DVL1: variants seen among roughly 807,000 people sequenced by gnomAD.
DVL1 encodes the protein segment polarity protein dishevelled homolog DVL-1.
DVL1 carries 49 observed loss-of-function variants against 65.0 expected under a neutral mutation model. The observed-to-expected ratio is 0.75, with a 90% CI of 0.60 to 0.96. The LOEUF (loss-of-function observed/expected upper bound fraction) is 0.96. Ranked by LOEUF, DVL1 falls within the 40% of genes least tolerant of loss-of-function variation. The probability of loss-of-function intolerance (pLI) is 0.00; values close to 1 mark genes in which losing one functional copy is unlikely to be tolerated. For synonymous variants in DVL1, 608 were observed against 433.9 expected (o/e 1.40, Z -4.99); for missense variants, 1,197 against 1,045.4 (o/e 1.15, Z -2.00).
chr1:1,341,208 C>A (rs914969151), intron 5 of DVL1, among the ~76,000 whole-genome samples: 1 of 150,558 alleles, frequency 6.6e-6, no homozygotes, highest in Non-Finnish European at 1.5e-5. Flanking sequence ...CACACCTGCA[C>A]ACACGCACAC....
chr1:1,338,229 T>TTGCCCCC, intron 13 of DVL1, 40 bp downstream of exon 13: 38 of 1,522,208 alleles, frequency 2.5e-5, no homozygotes, highest in Non-Finnish European at 3.0e-5. Flanking sequence ...CCTCCGGCGT[T>TTGCCCCC]CCCCTCCCCC....
chr1:1,349,047 T>A lies in DVL1; in HGVS notation c.19A>T (p.Ile7Phe). MAETKI[I>F]YHMDEEETPY... ...GTCTCCTCCTCGTCCATGTGGTAGA[T>A]AATCTTGGTCTCCGCCATGGCGCGG... The change falls in exon 1 of 15, where the codon ATC (isoleucine) becomes TTC (phenylalanine). Residue 7 changes from isoleucine (I) to phenylalanine (F), a missense_variant. Ile to Phe is a conservative substitution (Grantham distance 21). Transcript: ENST00000378888. This position sits in a 1 kb window ranked among gnomAD's most constrained non-coding sequence, Gnocchi z 4.1. 1 of 1,537,698 alleles carries A rather than the reference T, an allele frequency of 6.5e-7. No individual in the cohort carries two copies. The highest frequency in any genetic ancestry group is 8.8e-7 in the Non-Finnish European group (1 of 1,138,150).
intron 1 of DVL1, among the ~76,000 whole-genome samples, chr1:1,344,047 C>T (rs1045379804): frequency 6.6e-6 from 1 of 152,108 alleles, no homozygotes; most frequent in South Asian, 2.1e-4. Flanking sequence ...GCAACCCACA[C>T]GGCACAGAGG....
In DVL1 at chr1:1,342,793, G is replaced by A. The variant is rs756018091; in HGVS notation, c.171-35C>T. 18 of 1,609,338 alleles carry A rather than the reference G, an allele frequency of 1.1e-5. No individual in the cohort carries two copies. The East Asian group carries it at 4.0e-4, about 36-fold the overall frequency. ...TATGCTGCCGTGAGGCCCCACCTGGGGGGCCCAACCCTGCGGTTCTAGAGG... is the reference window on the plus strand; with the variant it reads ...TATGCTGCCGTGAGGCCCCACCTGGAGGGCCCAACCCTGCGGTTCTAGAGG... On this transcript the variant is annotated intron_variant, in intron 1 of 14. Transcript: ENST00000378888.
chr1:1,347,656 A>G (rs1643937418), intron 1 of DVL1, among the ~76,000 whole-genome samples: 1 of 152,210 alleles, frequency 6.6e-6, no homozygotes, highest in African/African-American at 2.4e-5. Context: ...CCCCATGCTC[A>G]AGGCCAAAGC....
intron 1 of DVL1, among the ~76,000 whole-genome samples, chr1:1,345,218 GCC>G: frequency 6.6e-6 from 1 of 152,280 alleles, no homozygotes; most frequent in East Asian, 1.9e-4. Context: ...CAGATGTCCA[GCC>G]AGGACCCAGA....
In DVL1 at chr1:1,338,040, G is replaced by A. The variant is rs1267287838; in HGVS notation, c.1651C>T (p.Pro551Ser). 1.9e-6 allele frequency: 3 copies of A among 1,611,668 alleles called. No homozygotes were observed. The highest frequency in any genetic ancestry group is 3.3e-5 in the Admixed American group (2 of 59,938). The change falls in exon 14 of 15, where the codon CCT becomes TCT. Residue 551 changes from proline (P) to serine (S), a missense_variant. Coordinates refer to ENST00000378888, the MANE Select transcript of DVL1 (RefSeq NM_001330311.2). ...CTAAAGCCCGGGTCCTGGTAGGCAGGCGGGAAGCAGGGTGGGGGTCCCGGG... is the reference window on the plus strand; with the variant it reads ...CTAAAGCCCGGGTCCTGGTAGGCAGACGGGAAGCAGGGTGGGGGTCCCGGG... The part of the protein sequence containing the change: ...QYPGPPPCFP[P>S]AYQDPGFSYG...
intron 1 of DVL1, among the ~76,000 whole-genome samples, chr1:1,347,034 G>A (rs957603802): frequency 6.6e-6 from 1 of 152,154 alleles, no homozygotes. Flanking sequence ...TAATTGATGA[G>A]GGTCCTCCGT....
Position 1,338,075 on chromosome 1 carries a change from G to C in DVL1, c.1616C>G (p.Pro539Arg), listed in dbSNP as rs1411697777. The C allele has an allele frequency of 2.5e-6, 4 of 1,610,770 alleles. No homozygotes were observed. The highest frequency in any genetic ancestry group is 3.4e-6 in the Non-Finnish European group (4 of 1,179,120). The change falls in exon 14 of 15, where the codon CCC becomes CGC. Residue 539 changes from proline (P) to arginine (R), a missense_variant. By Grantham distance (103) the Pro-to-Arg change is moderately radical. Coordinates refer to ENST00000378888, the MANE Select transcript of DVL1 (RefSeq NM_001330311.2). ...GGGTGGGGGTCCCGGGTACTGGTAG[G>C]GGTAGCCCTGACCCAGAGGCCAGGG... is the stretch of plus-strand genomic sequence containing the variant. ...AAPWPLGQGY[P>R]YQYPGPPPCF...
At chr1:1,347,804 G>GC (rs759888499) in intron 1 of DVL1, among the ~76,000 whole-genome samples, 5 of 152,038 alleles carry the variant, frequency 3.3e-5, no homozygotes, top group Non-Finnish European at 5.9e-5. Context: ...AGTGGGGAGC[G>GC]CCCAGCCTTC....
chr1:1,337,289 A>T (rs1457082402), intron 14 of DVL1, among the ~76,000 whole-genome samples: 1 of 151,664 alleles, frequency 6.6e-6, no homozygotes, highest in African/African-American at 2.4e-5. Flanking sequence ...AGCCACCTGC[A>T]CCCCTCCCTG....
chr1:1,337,401 C>G (rs1426189529), intron 14 of DVL1, among the ~76,000 whole-genome samples: 1 of 152,198 alleles, frequency 6.6e-6, no homozygotes, highest in African/African-American at 2.4e-5. Context: ...CCCCTAAACA[C>G]ACCCCAGCCA....
chr1:1,348,338 G>A (rs1643951848), intron 1 of DVL1, among the ~76,000 whole-genome samples: 1 of 152,222 alleles, frequency 6.6e-6, no homozygotes, highest in Non-Finnish European at 1.5e-5. Flanking sequence ...GGGGCCCACA[G>A]GAAGCTCAGG....
At position 1,341,742 on chromosome 1, in the gene DVL1, C is replaced by T. The variant is rs1398330461; in HGVS notation, c.530G>A (p.Ser177Asn). 2 of 1,610,072 alleles carry T rather than the reference C, an allele frequency of 1.2e-6. No homozygotes were observed. Among genetic ancestry groups the T allele is most frequent in the Non-Finnish European group, 1.7e-6 (2 of 1,178,316 alleles). ...RRRDVGLPPDSASTALSSELE... is the reference protein window; with the variant it reads ...RRRDVGLPPDNASTALSSELE... ...CTCGCTGCTGAGGGCGGTGGACGCG[C>T]TGTCTGGGGGCAGCCCCACATCCCG... The change falls in exon 5 of 15, where the codon AGC (serine) becomes AAC (asparagine). Residue 177 changes from serine to asparagine, a missense_variant. Coordinates refer to ENST00000378888, the MANE Select transcript of DVL1 (RefSeq NM_001330311.2).
chr1:1,337,757 G>A (rs946638140), intron 14 of DVL1: 8 of 700,166 alleles, frequency 1.1e-5, no homozygotes, highest in Non-Finnish European at 1.8e-5. Context: ...GATCCCCCTG[G>A]CACTTGCCTT....
At position 1,340,052 on chromosome 1, in the gene DVL1, C is replaced by T; in HGVS notation, c.895G>A (p.Asp299Asn). 6 of 1,612,550 alleles carry T rather than the reference C, an allele frequency of 3.7e-6. No individual in the cohort carries two copies. The highest frequency in any genetic ancestry group is 1.1e-5 in the South Asian group (1 of 91,048). ...CACAGACACACCTGCAGCAACATGT[C>T]GCCGGGCTCGATGCGGCCGTCAGCG... ...VAADGRIEPG[D>N]MLLQVNDVNF... The change falls in exon 8 of 15, where the codon GAC becomes AAC. Residue 299 changes from aspartate to asparagine, a missense_variant. By Grantham distance (23) the Asp-to-Asn change is conservative. Transcript: ENST00000378888.
chr1:1,340,603 G>A, intron 5 of DVL1, 100 bp from the exon 6 acceptor site: 1 of 1,325,188 alleles, frequency 7.5e-7, no homozygotes, highest in South Asian at 1.3e-5. Context: ...GTCTAGGCCA[G>A]GCTTGTTCCA....
intron 5 of DVL1, among the ~76,000 whole-genome samples, chr1:1,341,222 CACATGCACACACCTGCGCACACGCGT>C (rs1472311142): frequency 1.3e-5 from 2 of 151,934 alleles, no homozygotes; most frequent in Non-Finnish European, 2.9e-5. Flanking sequence ...CGCACACGCA[CACATGCACACACCTGCGCACACGCGT>C]GCATTGTGAA....
chr1:1,344,245 G>A (rs1643886699), intron 1 of DVL1, among the ~76,000 whole-genome samples: 1 of 152,216 alleles, frequency 6.6e-6, no homozygotes, highest in Admixed American at 6.5e-5. Flanking sequence ...GGAGAAATAG[G>A]AGCCCGGAGA....
Sources: allele counts gnomAD v4.1 joint callset (sites outside exome capture counted in the v4.1 genomes callset), GRCh38; gene constraint gnomAD v4.1.1; non-coding constraint Gnocchi (gnomAD v3.1); transcripts MANE v1.5; gene names NCBI Gene and HGNC (gene_info 2026-07-23, HGNC 2026-07-21).